The following NRP2 variants were observed in gnomAD, a reference collection of about 807,000 sequenced individuals.
NRP2 encodes neuropilin-2.
In NRP2, 52 loss-of-function variants were observed where a neutral mutation model predicts 110.4. That is an observed-to-expected ratio of 0.47 (90% CI 0.38 to 0.59). The LOEUF (loss-of-function observed/expected upper bound fraction) is 0.59, where lower values mean the gene tolerates loss of function less well. Among genes scored for constraint, NRP2 ranks in the 20% least tolerant of loss-of-function variants. NRP2 has a pLI of 0.00. For synonymous variants in NRP2, 508 were observed against 468.9 expected (o/e 1.08, Z -1.08); for missense variants, 1,049 against 1,203.0 (o/e 0.87, Z 1.89).
intron 16 of NRP2, 126 bp downstream of exon 16, chr2:205,792,411 A>G: frequency 1.4e-6 from 1 of 701,642 alleles, no homozygotes; most frequent in Non-Finnish European, 2.5e-6. Context: ...AATATATAAA[A>G]GAATCTGGAG....
intron 15 of NRP2, among the ~76,000 whole-genome samples, chr2:205,790,839 G>A (rs2058293083): frequency 6.6e-6 from 1 of 152,170 alleles, no homozygotes; most frequent in African/African-American, 2.4e-5. Flanking sequence ...GGCTGGCGTG[G>A]CCTGCAGGTG....
chr2:205,692,916 C>A (rs1390638786), intron 1 of NRP2, among the ~76,000 whole-genome samples: 1 of 152,168 alleles, frequency 6.6e-6, no homozygotes, highest in Admixed American at 6.5e-5. Flanking sequence ...GATGAGAAAA[C>A]AAAGGCTCAG....
chr2:205,792,198 T>A (rs1261923012), intron 15 of NRP2, 37 bp from the exon 16 acceptor site: 8 of 1,416,400 alleles, frequency 5.6e-6, no homozygotes, highest in Non-Finnish European at 8.0e-6. Flanking sequence ...GTGATAGAAC[T>A]TGTTATTAAC....
At chr2:205,742,807 T>A (rs1217457732) in intron 8 of NRP2, among the ~76,000 whole-genome samples, 1 of 152,184 alleles carries the variant, frequency 6.6e-6, no homozygotes, top group Non-Finnish European at 1.5e-5. Context: ...TGGTTAGAGC[T>A]GTAAGCACAA....
chr2:205,794,212 G>T (rs549205592), intron 16 of NRP2, among the ~76,000 whole-genome samples: 2 of 152,246 alleles, frequency 1.3e-5, no homozygotes, highest in East Asian at 3.9e-4. Flanking sequence ...CCAGGTTCAC[G>T]CCATTCTCCT....
At chr2:205,745,406 C>T (rs191439067) in intron 9 of NRP2, among the ~76,000 whole-genome samples, 19 of 152,186 alleles carry the variant, frequency 1.2e-4, no homozygotes, top group Admixed American at 2.6e-4. Flanking sequence ...GCCTTCCCCC[C>T]TCTCTAGCCA....
At chr2:205,779,940 A>G (rs1054871020) in intron 15 of NRP2, among the ~76,000 whole-genome samples, 5 of 152,166 alleles carry the variant, frequency 3.3e-5, no homozygotes, top group African/African-American at 1.2e-4. Context: ...GACAACTTTT[A>G]TGATTGGTGT....
chr2:205,785,984 C>T lies in NRP2; in HGVS notation c.2426-6251C>T, dbSNP rs114028179. 3.9e-3 allele frequency among the ~76,000 whole-genome samples: 601 copies of T among 152,206 alleles called. 10 individuals are homozygous for T. Among genetic ancestry groups the T allele is most frequent in the African/African-American group, 0.014 (564 of 41,518 alleles). ...GACCGTGCCTAGATTTGGCTGTAGC[C>T]CAAGAGATAAAAGCCTGTGATAAAG... is the stretch of plus-strand genomic sequence containing the variant. On this transcript the variant is annotated intron_variant, in intron 15 of 16. Transcript: ENST00000357785.
At position 205,795,477 on chromosome 2, in the gene NRP2, A is replaced by ATTC. The variant is rs1160164963; in HGVS notation, c.*421_*423dup. The ATTC allele has an allele frequency of 1.3e-5, 2 of 152,386 alleles. No individual in the cohort carries two copies. Among genetic ancestry groups the ATTC allele is most frequent in the African/African-American group, 4.8e-5 (2 of 41,430 alleles). The allele number at this position is 152,386 out of a possible 1,614,324, so 9.4% of individuals were successfully genotyped here. A position where few individuals can be genotyped will look rare whatever the true frequency, so the allele number is the denominator to read the frequency against. On this transcript the variant is annotated 3_prime_UTR_variant, in exon 17 of 17. Transcript: ENST00000357785. Reference sequence around the variant, plus strand: ...GAATAGAAGTGGAGCAGTGATCATTATTCTCCGCTTTCTCTTTCTAATCAA... The same window carrying ATTC: ...GAATAGAAGTGGAGCAGTGATCATTATTCTTCTCCGCTTTCTCTTTCTAATCAA...
At chr2:205,704,091 C>G (rs933012011) in intron 2 of NRP2, among the ~76,000 whole-genome samples, 11 of 152,286 alleles carry the variant, frequency 7.2e-5, no homozygotes, top group African/African-American at 2.6e-4. Flanking sequence ...CGACCTCCCC[C>G]ACCCCGCCGC....
At chr2:205,746,760 C>T (rs940188871) in intron 10 of NRP2, among the ~76,000 whole-genome samples, 3 of 152,206 alleles carry the variant, frequency 2.0e-5, no homozygotes, top group African/African-American at 7.2e-5. Flanking sequence ...GTCACGGGCT[C>T]AGCCGGCAGG....
In NRP2 at chr2:205,765,735, G is replaced by T. The variant is rs755877109; in HGVS notation, c.2404+165G>T. 3 of 755,300 alleles carry T rather than the reference G, an allele frequency of 4.0e-6. No homozygotes were observed. In the South Asian group the frequency reaches 4.1e-5, roughly 10 times the overall value. 46.8% of individuals were successfully genotyped at this position (755,300 alleles called of 1,614,324 possible). On this transcript the variant is annotated intron_variant, in intron 14 of 16. Coordinates refer to ENST00000357785, the MANE Select transcript of NRP2 (RefSeq NM_003872.3). ...GTGGGTGTAGTTGTGTCTTAGGCTGGGTTCAGGGTGGGAAGGGGTGTGAGG... is the reference window on the plus strand; with the variant it reads ...GTGGGTGTAGTTGTGTCTTAGGCTGTGTTCAGGGTGGGAAGGGGTGTGAGG...
chr2:205,726,043 C>A lies in NRP2; in HGVS notation c.951C>A (p.Gly317=). 6.2e-7 allele frequency: 1 copy of A among 1,614,196 alleles called. No homozygotes were observed. Among genetic ancestry groups the A allele is most frequent in the Non-Finnish European group, 8.5e-7 (1 of 1,180,036 alleles). Residue 317 remains glycine, a synonymous_variant, in exon 6 of 17, where the codon GGC becomes GGA. Transcript: ENST00000357785. ...QQSRLHGDDN[G]WTPNLDSNKE... ...GCCGGCTCCATGGTGATGACAATGG[C>A]TGGACCCCCAACTTGGATTCCAACA...
intron 3 of NRP2, chr2:205,722,203 ACACACACACT>A: frequency 4.0e-6 from 2 of 493,876 alleles, no homozygotes; most frequent in African/African-American, 2.0e-5. Flanking sequence ...ACACACACAC[ACACACACACT>A]TCTCTGTACC....
chr2:205,751,483 G>C (rs1304834153), intron 11 of NRP2, among the ~76,000 whole-genome samples: 1 of 151,580 alleles, frequency 6.6e-6, no homozygotes, highest in Non-Finnish European at 1.5e-5. Flanking sequence ...GGTGGTAAAG[G>C]CTAAGGGCTG....
chr2:205,722,604 T>A lies in NRP2; in HGVS notation c.560T>A (p.Ile187Asn). ...ATCCTGGCCAAACCCAAGATGGAGA[T>A]CATCCTGCAGTTCCTGATCTTTGAC... ...FTILAKPKME[I>N]ILQFLIFDLE... Residue 187 changes from isoleucine to asparagine, a missense_variant, in exon 4 of 17, where the codon ATC (isoleucine) becomes AAC (asparagine). Coordinates refer to ENST00000357785, the MANE Select transcript of NRP2 (RefSeq NM_003872.3). The A allele has an allele frequency of 6.2e-7, 1 of 1,614,148 alleles. No homozygotes were observed. The highest frequency in any genetic ancestry group is 8.5e-7 in the Non-Finnish European group (1 of 1,180,020).
intron 1 of NRP2, 57 bp from the exon 2 acceptor site, chr2:205,697,487 G>A: frequency 6.8e-7 from 1 of 1,480,228 alleles, no homozygotes; most frequent in Non-Finnish European, 9.5e-7. Flanking sequence ...AGGGAGTGTG[G>A]GGGGAAGAAA....
chr2:205,776,756 C>G, intron 15 of NRP2: 1 of 1,448,242 alleles, frequency 6.9e-7, no homozygotes, highest in East Asian at 2.6e-5. Context: ...AAACCCAACT[C>G]TAATGCTGCA....
In NRP2 at chr2:205,797,741, A is replaced by T. The variant is rs2058362285; in HGVS notation, c.*2683A>T. 6.6e-6 allele frequency: 1 copy of T among 152,648 alleles called. No individual in the cohort carries two copies. Among genetic ancestry groups the T allele is most frequent in the Non-Finnish European group, 1.5e-5 (1 of 68,072 alleles). 9.5% of individuals were successfully genotyped at this position (152,648 alleles called of 1,614,324 possible). A position where few individuals can be genotyped will look rare whatever the true frequency, so the allele number is the denominator to read the frequency against. ...ATCTCCTTGAGTCATTCCCTTTGGG[A>T]AACCCCACTGCCAGTATTGATCTCC... On this transcript the variant is annotated 3_prime_UTR_variant, in exon 17 of 17. Transcript: ENST00000357785.
Sources: allele counts gnomAD v4.1 joint callset (sites outside exome capture counted in the v4.1 genomes callset), GRCh38; gene constraint gnomAD v4.1.1; transcripts MANE v1.5; gene names NCBI Gene and HGNC (gene_info 2026-07-23, HGNC 2026-07-21).